The following NREP variants were observed in gnomAD, a reference collection of about 807,000 sequenced individuals.
NREP encodes neuronal regeneration-related protein.
A neutral mutation model predicts 8.6 loss-of-function variants in NREP; 5 were observed. That is an observed-to-expected ratio of 0.58 (90% CI 0.30 to 1.22). NREP has a LOEUF of 1.22. Among genes scored for constraint, NREP ranks in the 50% most tolerant of loss-of-function variants. The probability of loss-of-function intolerance (pLI) is 0.07; values close to 1 mark genes in which losing one functional copy is unlikely to be tolerated. For synonymous variants in NREP, 27 were observed against 28.0 expected, an observed-to-expected ratio of 0.96 and a Z score of 0.11; for missense variants, 86 against 82.5, an observed-to-expected ratio of 1.04 and a Z score of -0.17.
intron 2 of NREP, among the ~76,000 whole-genome samples, chr5:111,781,826 G>C (rs1338962934): frequency 6.6e-6 from 1 of 152,086 alleles, no homozygotes; most frequent in Non-Finnish European, 1.5e-5. Context: ...GGGGCCAAGG[G>C]GAGGTGGGGA....
chr5:111,895,211 T>C (rs758840712), intron 2 of NREP, among the ~76,000 whole-genome samples: 1 of 152,142 alleles, frequency 6.6e-6, no homozygotes. Context: ...GCTACACCCT[T>C]TAGAGATTGA....
intron 2 of NREP, among the ~76,000 whole-genome samples, chr5:111,807,802 A>G (rs1752174704): frequency 6.6e-6 from 1 of 152,230 alleles, no homozygotes; most frequent in Non-Finnish European, 1.5e-5. Context: ...TCTGAATATC[A>G]GAATTTATAA....
At chr5:111,918,502 G>A (rs528647671) in intron 2 of NREP, among the ~76,000 whole-genome samples, 5 of 152,044 alleles carry the variant, frequency 3.3e-5, no homozygotes, top group Admixed American at 1.3e-4. Flanking sequence ...GGTACTGGTA[G>A]CAAGACAGAT....
intron 2 of NREP, among the ~76,000 whole-genome samples, chr5:111,841,739 G>T (rs1753035753): frequency 1.3e-5 from 2 of 152,112 alleles, no homozygotes; most frequent in Admixed American, 1.3e-4. Flanking sequence ...AGGCCTTAGA[G>T]TTTCAGAGGA....
intron 2 of NREP, among the ~76,000 whole-genome samples, chr5:111,937,747 C>T (rs921818509): frequency 5.3e-5 from 8 of 152,034 alleles, no homozygotes; most frequent in Non-Finnish European, 7.4e-5. Context: ...ACTTCTCATT[C>T]TTGTACCAGA....
At chr5:111,940,858 T>C (rs1286037525) in intron 2 of NREP, among the ~76,000 whole-genome samples, 1 of 151,980 alleles carries the variant, frequency 6.6e-6, no homozygotes, top group African/African-American at 2.4e-5. Context: ...ATACTTTTGG[T>C]TATAGTACAG....
intron 2 of NREP, among the ~76,000 whole-genome samples, chr5:111,799,543 C>T (rs1436140065): frequency 2.0e-5 from 3 of 152,164 alleles, no homozygotes; most frequent in Non-Finnish European, 4.4e-5. Flanking sequence ...TGTTTTCTCC[C>T]TTTTTTGTAT....
At chr5:111,789,406 G>T (rs558975044) in intron 2 of NREP, among the ~76,000 whole-genome samples, 2 of 152,266 alleles carry the variant, frequency 1.3e-5, no homozygotes, top group African/African-American at 4.8e-5. Flanking sequence ...CACCTAAATA[G>T]AGGCAGAGTA....
intron 2 of NREP, among the ~76,000 whole-genome samples, chr5:111,774,360 T>G (rs76605165): frequency 0.029 from 4,390 of 152,206 alleles, 217 homozygotes; most frequent in African/African-American, 0.099. Context: ...ACATTCTATC[T>G]CTATAACCTC....
chr5:111,829,748 T>C (rs1391753859), intron 2 of NREP, among the ~76,000 whole-genome samples: 2 of 152,202 alleles, frequency 1.3e-5, no homozygotes, highest in African/African-American at 4.8e-5. Context: ...CACCCTGCTA[T>C]TTTTCTGTGT....
chr5:111,843,987 T>G (rs763529473), intron 2 of NREP, among the ~76,000 whole-genome samples: 1 of 152,178 alleles, frequency 6.6e-6, no homozygotes, highest in Non-Finnish European at 1.5e-5. Context: ...CTATATGCTC[T>G]TTAACAGAGG....
intron 2 of NREP, among the ~76,000 whole-genome samples, chr5:111,908,993 T>C (rs1449600752): frequency 6.6e-6 from 1 of 152,100 alleles, no homozygotes; most frequent in Non-Finnish European, 1.5e-5. Flanking sequence ...GTTGAGCATT[T>C]TTCTTATGTC....
chr5:111,875,729 G>C (rs979382704), intron 2 of NREP, among the ~76,000 whole-genome samples: 1 of 152,192 alleles, frequency 6.6e-6, no homozygotes, highest in African/African-American at 2.4e-5. Context: ...TTTTAAATTA[G>C]TGGAAGGAGT....
intron 2 of NREP, among the ~76,000 whole-genome samples, chr5:111,936,197 G>A (rs774099932): frequency 6.6e-5 from 10 of 152,044 alleles, no homozygotes; most frequent in Non-Finnish European, 1.3e-4. Flanking sequence ...CTTCTGGAAT[G>A]GTAATTCCCA....
At chr5:111,820,477 A>T (rs1288375279) in intron 2 of NREP, among the ~76,000 whole-genome samples, 5 of 152,162 alleles carry the variant, frequency 3.3e-5, no homozygotes, top group African/African-American at 1.2e-4. Context: ...ATGATTACTA[A>T]ACTATGTGTG....
At chr5:111,866,999 G>C (rs1156863740) in intron 2 of NREP, among the ~76,000 whole-genome samples, 2 of 151,486 alleles carry the variant, frequency 1.3e-5, no homozygotes, top group African/African-American at 4.9e-5. Flanking sequence ...CTGTTGTGGG[G>C]TGGGGGGAAG....
intron 1 of NREP, 39 bp downstream of exon 1, chr5:111,757,097 C>G: frequency 1.6e-6 from 1 of 620,396 alleles, no homozygotes; most frequent in Non-Finnish European, 2.0e-6. Flanking sequence ...AAAGAGAAAC[C>G]AGCGCTCCCA....
intron 2 of NREP, among the ~76,000 whole-genome samples, chr5:111,769,864 C>G (rs1014812643): frequency 1.3e-5 from 2 of 152,176 alleles, no homozygotes; most frequent in African/African-American, 4.8e-5. Context: ...TACCAGGTCT[C>G]TTCCCCAACA....
chr5:111,854,654 T>G (rs1393362175), intron 2 of NREP, among the ~76,000 whole-genome samples: 1 of 152,330 alleles, frequency 6.6e-6, no homozygotes, highest in East Asian at 1.9e-4. Flanking sequence ...TCTAATCAAT[T>G]AATTCATGTA....
Sources: allele counts gnomAD v4.1 joint callset (sites outside exome capture counted in the v4.1 genomes callset), GRCh38; gene constraint gnomAD v4.1.1; transcripts MANE v1.5; gene names NCBI Gene and HGNC (gene_info 2026-07-23, HGNC 2026-07-21).